The following STEAP2 variants were observed in gnomAD, a reference collection of about 807,000 sequenced individuals.
The protein encoded by STEAP2 is STEAP2 metalloreductase, also known as metalloreductase STEAP2.
STEAP2 carries 30 observed loss-of-function variants against 46.4 expected under a neutral mutation model. The ratio of observed to expected loss-of-function variants is 0.65; its 90% CI spans 0.48 to 0.88. The LOEUF (loss-of-function observed/expected upper bound fraction) is 0.88, where lower values mean the gene tolerates loss of function less well. Among genes scored for constraint, STEAP2 ranks in the 40% least tolerant of loss-of-function variants. STEAP2 has a pLI of 0.00. For synonymous variants in STEAP2, 180 were observed against 200.5 expected (o/e 0.90, Z 0.86); for missense variants, 513 against 579.3 (o/e 0.89, Z 1.18).
chr7:90,215,016 GT>G (rs774070926), intron 1 of STEAP2, among the ~76,000 whole-genome samples: 2 of 152,172 alleles, frequency 1.3e-5, no homozygotes, highest in Non-Finnish European at 2.9e-5. Context: ...AGAGTCTGCA[GT>G]CATAAGGAAT....
Position 90,233,845 on chromosome 7 carries a change from T to C in STEAP2, c.*1221T>C. ...CTCTTTTGTATAAAGTCACTGACAT[T>C]CTTTAGAGTGGGTTGGGTGCATCCA... On this transcript the variant is annotated 3_prime_UTR_variant, in exon 6 of 6. Coordinates refer to ENST00000394621, the MANE Select transcript of STEAP2 (RefSeq NM_001244944.2). 2.0e-6 allele frequency: 2 copies of C among 985,340 alleles called. No individual in the cohort carries two copies. The highest frequency in any genetic ancestry group is 2.4e-6 in the Non-Finnish European group (2 of 829,908). 61.0% of individuals were successfully genotyped at this position (985,340 alleles called of 1,614,324 possible).
At chr7:90,223,605 C>T (rs975872071) in intron 2 of STEAP2, among the ~76,000 whole-genome samples, 1 of 152,208 alleles carries the variant, frequency 6.6e-6, no homozygotes, top group Non-Finnish European at 1.5e-5. Context: ...AACTCACTCA[C>T]TCTGGATGTT....
At chr7:90,243,328 C>T in the STEAP2 span, among the ~76,000 whole-genome samples, 4 of 152,050 alleles carry the variant, frequency 2.6e-5, no homozygotes, top group South Asian at 8.3e-4. Context: ...ATGGAAGATA[C>T]AAAAATGCAC....
At position 90,234,931 on chromosome 7, in the gene STEAP2, A is replaced by T; in HGVS notation, c.*2307A>T. 1 of 984,012 alleles carries T rather than the reference A, an allele frequency of 1.0e-6. No homozygotes were observed. Among genetic ancestry groups the T allele is most frequent in the Non-Finnish European group, 1.2e-6 (1 of 828,712 alleles). 61.0% of individuals were successfully genotyped at this position (984,012 alleles called of 1,614,324 possible). On this transcript the variant is annotated 3_prime_UTR_variant, in exon 6 of 6. Transcript: ENST00000394621. ...TCTCCCCACTTGAGAATCACTTGTT[A>T]GTTCTTGGTAGGAATTCAGTTGGGC...
At chr7:90,238,392 T>A (rs1796018137), downstream of STEAP2, among the ~76,000 whole-genome samples, 1 of 152,228 alleles carries the variant, frequency 6.6e-6, no homozygotes, top group Admixed American at 6.5e-5. Flanking sequence ...AAGCATGGGC[T>A]TTTTAAAATT....
Position 90,227,512 on chromosome 7 carries a change from T to G in STEAP2, c.1020+14T>G, listed in dbSNP as rs760762056. 3 of 1,528,166 alleles carry G rather than the reference T, an allele frequency of 2.0e-6. No individual in the cohort carries two copies. The highest frequency in any genetic ancestry group is 2.6e-6 in the Non-Finnish European group (3 of 1,136,536). The allele number at this position is 1,528,166 out of a possible 1,614,324, so 94.7% of individuals were successfully genotyped here. A position where few individuals can be genotyped will look rare whatever the true frequency, so the allele number is the denominator to read the frequency against. ...GCTTATCAGCAGGTACTGAATGTGC[T>G]TGTTATTTATCTGATGCTAGTAAAA... On this transcript the variant is annotated intron_variant, in intron 4 of 5. Transcript: ENST00000394621.
At position 90,233,264 on chromosome 7, in the gene STEAP2, C is replaced by T. The variant is rs1795833443; in HGVS notation, c.*640C>T. 7.5e-6 allele frequency: 7 copies of T among 936,408 alleles called. No individual in the cohort carries two copies. The highest frequency in any genetic ancestry group is 6.2e-5 in the Admixed American group (1 of 16,188). 58.0% of individuals were successfully genotyped at this position (936,408 alleles called of 1,614,324 possible). A position where few individuals can be genotyped will look rare whatever the true frequency, so the allele number is the denominator to read the frequency against. On this transcript the variant is annotated 3_prime_UTR_variant, in exon 6 of 6. Coordinates refer to ENST00000394621, the MANE Select transcript of STEAP2 (RefSeq NM_001244944.2). ...ATATATTTGAGACATGAAATACATA[C>T]TGATAATACATACCTCATGAAAGAT...
chr7:90,235,703 T>G lies in STEAP2; in HGVS notation c.*3079T>G. ...ACTTAGCTTTTATGTAAATATTTCT[T>G]ATGTCTCCTCTATTAAGAGTATTTA... On this transcript the variant is annotated 3_prime_UTR_variant, in exon 6 of 6. Transcript: ENST00000394621. 1.2e-6 allele frequency: 1 copy of G among 825,014 alleles called. No homozygotes were observed. The highest frequency in any genetic ancestry group is 1.5e-6 in the Non-Finnish European group (1 of 683,572). The allele number at this position is 825,014 out of a possible 1,614,324, so 51.1% of individuals were successfully genotyped here.
rs777545171 is a variant in STEAP2, at chr7:90,225,238, C to T, written c.156C>T (p.Cys52=). Reference sequence around the variant, plus strand: ...CCTTGACCATTCGACTTATTAGATGCGGCTATCATGTGGTCATAGGAAGTA... The same window carrying T: ...CCTTGACCATTCGACTTATTAGATGTGGCTATCATGTGGTCATAGGAAGTA... ...AKSLTIRLIR[C]GYHVVIGSRN... Residue 52 remains cysteine, a synonymous_variant, in exon 3 of 6, where the codon TGC becomes TGT. Transcript: ENST00000394621. 1.2e-5 allele frequency: 19 copies of T among 1,613,478 alleles called. No homozygotes were observed. Among genetic ancestry groups the T allele is most frequent in the Admixed American group, 5.0e-5 (3 of 59,930 alleles).
chr7:90,238,987 A>C (rs1796026977), downstream of STEAP2, among the ~76,000 whole-genome samples: 2 of 152,110 alleles, frequency 1.3e-5, no homozygotes, highest in Admixed American at 1.3e-4. Context: ...CCTGTAGGCG[A>C]GAATACCATT....
Position 90,225,408 on chromosome 7 carries a change from T to A in STEAP2, c.326T>A (p.Val109Glu), listed in dbSNP as rs769999500. The change falls in exon 3 of 6, where the codon GTG becomes GAG. Residue 109 changes from valine to glutamate, a missense_variant. Coordinates refer to ENST00000394621, the MANE Select transcript of STEAP2 (RefSeq NM_001244944.2). The part of the protein sequence containing the change: ...TSLWDLRHLL[V>E]GKILIDVSNN... ...CTGTGGGACCTGAGACATCTGCTTG[T>A]GGGTAAAATCCTGATTGATGTGAGC... 6.2e-7 allele frequency: 1 copy of A among 1,613,850 alleles called. No individual in the cohort carries two copies.
At chr7:90,217,444 T>C (rs901280877) in intron 2 of STEAP2, among the ~76,000 whole-genome samples, 1 of 152,138 alleles carries the variant, frequency 6.6e-6, no homozygotes, top group Admixed American at 6.6e-5. Context: ...CTGATATCTC[T>C]CATGCTATTC....
chr7:90,242,012 T>C (rs1021082653), downstream of STEAP2, among the ~76,000 whole-genome samples: 2 of 152,134 alleles, frequency 1.3e-5, no homozygotes, highest in African/African-American at 4.8e-5. Flanking sequence ...TGGCTGGCTG[T>C]GGGGTGTTTG....
rs532529906 is a variant in STEAP2 at position 90,235,593 on chromosome 7, A to G, written c.*2969A>G. 4.0e-4 allele frequency: 397 copies of G among 980,886 alleles called. 3 individuals carry two copies. In the African/African-American group the frequency reaches 6.8e-3, roughly 17 times the overall value. The allele number at this position is 980,886 out of a possible 1,614,324, so 60.8% of individuals were successfully genotyped here. ...TTAGAAAGTTAAAAGAATGTAGAAA[A>G]GATACTCAGTCTTAATCCTATGCAA... On this transcript the variant is annotated 3_prime_UTR_variant, in exon 6 of 6. Transcript: ENST00000394621.
chr7:90,218,795 T>C (rs1195842038), intron 2 of STEAP2, among the ~76,000 whole-genome samples: 3 of 152,204 alleles, frequency 2.0e-5, no homozygotes, highest in Non-Finnish European at 4.4e-5. Flanking sequence ...GATTGTCTTT[T>C]CTAATTCTAT....
intron 2 of STEAP2, among the ~76,000 whole-genome samples, chr7:90,222,962 T>C (rs1207611858): frequency 6.6e-6 from 1 of 152,184 alleles, no homozygotes; most frequent in Non-Finnish European, 1.5e-5. Context: ...TGGAAGAGTA[T>C]TTTTCTTTCA....
chr7:90,232,798 T>C lies in STEAP2; in HGVS notation c.*174T>C, dbSNP rs946980199. ...TTCAAGTTAATTTTCACAAATGTCA[T>C]GTTTGCCAATATGAATTTTTCTAGT... On this transcript the variant is annotated 3_prime_UTR_variant, in exon 6 of 6. Coordinates refer to ENST00000394621, the MANE Select transcript of STEAP2 (RefSeq NM_001244944.2). The C allele has an allele frequency of 4.6e-6, 6 of 1,312,976 alleles. No homozygotes were observed. The highest frequency in any genetic ancestry group is 2.9e-4 in the Middle Eastern group (1 of 3,464). The allele number at this position is 1,312,976 out of a possible 1,614,324, so 81.3% of individuals were successfully genotyped here. A position where few individuals can be genotyped will look rare whatever the true frequency, so the allele number is the denominator to read the frequency against.
Position 90,233,666 on chromosome 7 carries a change from AG to A in STEAP2, c.*1043del. Reference sequence around the variant, plus strand: ...CACATGAGGGACCGAAGGATAGAAAAGTTATTTTTCAAAGGTCTTGCAGTTA... The same window carrying A: ...CACATGAGGGACCGAAGGATAGAAAATTATTTTTCAAAGGTCTTGCAGTTA... On this transcript the variant is annotated 3_prime_UTR_variant, in exon 6 of 6. Coordinates refer to ENST00000394621, the MANE Select transcript of STEAP2 (RefSeq NM_001244944.2). 2.2e-6 allele frequency: 2 copies of A among 906,788 alleles called. No homozygotes were observed. The highest frequency in any genetic ancestry group is 2.6e-6 in the Non-Finnish European group (2 of 758,412). The allele number at this position is 906,788 out of a possible 1,614,324, so 56.2% of individuals were successfully genotyped here.
At position 90,232,355 on chromosome 7, in the gene STEAP2, G is replaced by T. The variant is rs902292884; in HGVS notation, c.1204G>T (p.Ala402Ser). 1 of 1,606,304 alleles carries T rather than the reference G, an allele frequency of 6.2e-7. No homozygotes were observed. The highest frequency in any genetic ancestry group is 1.1e-5 in the South Asian group (1 of 89,946). The change falls in exon 6 of 6, where the codon GCT (alanine) becomes TCT (serine). Residue 402 changes from alanine (A) to serine (S), a missense_variant. Transcript: ENST00000394621. ...GCCCAAGTCTACACTTGGATATGTC[G>T]CTCTGCTCATAAGTACTTTCCATGT... The part of the protein sequence containing the change: ...SFIQSTLGYV[A>S]LLISTFHVLI...
Sources: allele counts gnomAD v4.1 joint callset (sites outside exome capture counted in the v4.1 genomes callset), GRCh38; gene constraint gnomAD v4.1.1; transcripts MANE v1.5; gene names NCBI Gene and HGNC (gene_info 2026-07-23, HGNC 2026-07-21).